Variants in CDH20 observed in about 807,000 individuals in gnomAD.
CDH20 encodes cadherin-20.
CDH20 carries 29 observed loss-of-function variants against 74.2 expected under a neutral mutation model. The observed-to-expected ratio is 0.39, with a 90% CI of 0.29 to 0.53. The LOEUF (loss-of-function observed/expected upper bound fraction) is 0.53, where lower values mean the gene tolerates loss of function less well. Ranked by LOEUF, CDH20 falls within the 20% of genes least tolerant of loss-of-function variation. The pLI is 0.69. For missense variants in CDH20, 988 were observed against 1,048.3 expected, an observed-to-expected ratio of 0.94 and a Z score of 0.79; for synonymous variants, 469 against 405.4, an observed-to-expected ratio of 1.16 and a Z score of -1.88.
intron 1 of CDH20, among the ~76,000 whole-genome samples, chr18:61,400,322 C>T (rs1026848645): frequency 6.6e-6 from 1 of 152,170 alleles, no homozygotes. Flanking sequence ...CAGGTCTAGA[C>T]AGAGCAAGGC....
At chr18:61,386,187 G>T (rs1172392352) in intron 1 of CDH20, among the ~76,000 whole-genome samples, 1 of 152,156 alleles carries the variant, frequency 6.6e-6, no homozygotes, top group East Asian at 1.9e-4. Context: ...CCTATCCTTT[G>T]CTATGGTCTG....
chr18:61,488,566 A>G (rs895425616), intron 1 of CDH20, among the ~76,000 whole-genome samples: 6 of 152,334 alleles, frequency 3.9e-5, no homozygotes, highest in African/African-American at 1.4e-4. Flanking sequence ...ATACAACTAA[A>G]TAAGTCAGAG....
chr18:61,450,423 T>C (rs545024761), intron 1 of CDH20, among the ~76,000 whole-genome samples: 1 of 150,700 alleles, frequency 6.6e-6, no homozygotes, highest in African/African-American at 2.4e-5. Context: ...CTTTTTACCA[T>C]GAGAACTTTC....
intron 3 of CDH20, 94 bp from the exon 4 acceptor site, chr18:61,500,289 C>G (rs1315722846): frequency 7.5e-7 from 1 of 1,332,398 alleles, no homozygotes; most frequent in African/African-American, 1.5e-5. Context: ...ATGAAGCAAA[C>G]ACATTTGCAA....
chr18:61,495,605 C>T (rs967073767), intron 2 of CDH20, among the ~76,000 whole-genome samples: 9 of 152,182 alleles, frequency 5.9e-5, no homozygotes, highest in African/African-American at 1.9e-4. Context: ...CTCCTCGAAG[C>T]TCCTGCGGCC....
In CDH20 at chr18:61,490,510, G is replaced by T. The variant is rs1165358681; in HGVS notation, c.-44G>T. 1.1e-5 allele frequency: 17 copies of T among 1,593,112 alleles called. No homozygotes were observed. The highest frequency in any genetic ancestry group is 1.4e-5 in the Non-Finnish European group (16 of 1,164,098). ...AAATTTGGAAAATACTCAAGTTCCA[G>T]TTGCTTATCATTCTCCTTCATTTTC... On this transcript the variant is annotated 5_prime_UTR_variant, in exon 2 of 12. Coordinates refer to ENST00000262717, the MANE Select transcript of CDH20 (RefSeq NM_031891.4).
intron 1 of CDH20, among the ~76,000 whole-genome samples, chr18:61,347,319 T>TAC (rs33985303): frequency 0.014 from 1,063 of 77,304 alleles, 21 homozygotes; most frequent in East Asian, 0.028. Context: ...TATATATATA[T>TAC]ACACACACAC....
chr18:61,479,048 A>G (rs1459611315), intron 1 of CDH20, among the ~76,000 whole-genome samples: 3 of 151,952 alleles, frequency 2.0e-5, no homozygotes, highest in Non-Finnish European at 2.9e-5. Context: ...AGAAACACTT[A>G]AAGTGTGGAA....
At chr18:61,371,229 T>C (rs1911026480) in intron 1 of CDH20, among the ~76,000 whole-genome samples, 2 of 152,128 alleles carry the variant, frequency 1.3e-5, no homozygotes, top group Admixed American at 6.6e-5. Flanking sequence ...TCAGAGCGCT[T>C]TCACTTGTAC....
chr18:61,440,704 G>A lies in CDH20; in HGVS notation c.-152-49698G>A, dbSNP rs936419631. ...GTCTGGGAGCTTGCCTGGGGCAAAT[G>A]GGCTTATTTCACTCTGCCCCACATG... On this transcript the variant is annotated intron_variant, in intron 1 of 11. Coordinates refer to ENST00000262717, the MANE Select transcript of CDH20 (RefSeq NM_031891.4). Among the ~76,000 whole-genome samples the A allele has an allele frequency of 1.8e-4, 27 of 152,242 alleles. 1 individual carries two copies. The highest frequency in any genetic ancestry group is 1.2e-3 in the East Asian group (6 of 5,174).
At chr18:61,437,075 A>G (rs1908863308) in intron 1 of CDH20, among the ~76,000 whole-genome samples, 1 of 152,316 alleles carries the variant, frequency 6.6e-6, no homozygotes, top group African/African-American at 2.4e-5. Context: ...GAATGTACTT[A>G]GCACAGTGTC....
rs146267328 is a variant in CDH20 at position 61,555,012 on chromosome 18, C to G, written c.*317C>G. On this transcript the variant is annotated 3_prime_UTR_variant, in exon 12 of 12. Coordinates refer to ENST00000262717, the MANE Select transcript of CDH20 (RefSeq NM_031891.4). ...GCTTTTCTCTGCCATTCGCTAAGGC[C>G]TTTGTCACTTTTCCACCACAGAAAG... is the stretch of plus-strand genomic sequence containing the variant. 158 of 1,177,878 alleles carry G rather than the reference C, an allele frequency of 1.3e-4. No homozygotes were observed. In the African/African-American group the frequency reaches 2.2e-3, roughly 16 times the overall value. The allele number at this position is 1,177,878 out of a possible 1,614,324, so 73.0% of individuals were successfully genotyped here.
At chr18:61,512,124 T>A (rs1460701295) in intron 6 of CDH20, among the ~76,000 whole-genome samples, 1 of 152,226 alleles carries the variant, frequency 6.6e-6, no homozygotes, top group Non-Finnish European at 1.5e-5. Flanking sequence ...CCATACTTTT[T>A]CAAAAAGAGG....
intron 1 of CDH20, among the ~76,000 whole-genome samples, chr18:61,343,410 A>C (rs1910016176): frequency 6.6e-6 from 1 of 152,220 alleles, no homozygotes; most frequent in Non-Finnish European, 1.5e-5. Context: ...TTTAACACCA[A>C]CATGTGCCAG....
chr18:61,431,425 A>G (rs192934507), intron 1 of CDH20, among the ~76,000 whole-genome samples: 1 of 152,336 alleles, frequency 6.6e-6, no homozygotes, highest in Non-Finnish European at 1.5e-5. Flanking sequence ...ATATATCAAT[A>G]CTGATTCATT....
At chr18:61,386,031 A>C (rs1911588222) in intron 1 of CDH20, among the ~76,000 whole-genome samples, 1 of 152,200 alleles carries the variant, frequency 6.6e-6, no homozygotes, top group Non-Finnish European at 1.5e-5. Flanking sequence ...TAATCTTAAA[A>C]AATAAGGTAT....
chr18:61,542,352 G>A (rs1363204197), intron 9 of CDH20, among the ~76,000 whole-genome samples: 1 of 152,162 alleles, frequency 6.6e-6, no homozygotes, highest in Non-Finnish European at 1.5e-5. Flanking sequence ...AATAGTTGGG[G>A]TCTCCAGGAG....
intron 1 of CDH20, among the ~76,000 whole-genome samples, chr18:61,460,169 G>C (rs1242196829): frequency 6.6e-6 from 1 of 152,142 alleles, no homozygotes; most frequent in Non-Finnish European, 1.5e-5. Context: ...GTTTTGCATA[G>C]AGACTGAGCT....
chr18:61,377,870 A>G (rs909981955), intron 1 of CDH20, among the ~76,000 whole-genome samples: 1 of 152,130 alleles, frequency 6.6e-6, no homozygotes, highest in Non-Finnish European at 1.5e-5. Context: ...TAACTCTTAT[A>G]CTAATTAGAC....
Sources: gnomAD v4.1 joint callset for allele counts (sites outside exome capture counted in the v4.1 genomes callset) on GRCh38, gnomAD v4.1.1 for gene constraint, MANE v1.5 for transcripts, NCBI Gene and HGNC (gene_info 2026-07-23, HGNC 2026-07-21) for gene names.